ALOX5AP: variants seen among roughly 807,000 people sequenced by gnomAD.
The protein encoded by ALOX5AP is arachidonate 5-lipoxygenase-activating protein.
In ALOX5AP, 9 loss-of-function variants were observed where a neutral mutation model predicts 18.5. The ratio of observed to expected loss-of-function variants is 0.49; its 90% CI spans 0.29 to 0.85. The LOEUF (loss-of-function observed/expected upper bound fraction) is 0.85. Ranked by LOEUF, ALOX5AP falls within the 40% of genes least tolerant of loss-of-function variation. The pLI is 0.08. For synonymous variants in ALOX5AP, 81 were observed against 78.6 expected, an observed-to-expected ratio of 1.03 and a Z score of -0.16; for missense variants, 172 against 202.5, an observed-to-expected ratio of 0.85 and a Z score of 0.91.
chr13:30,724,872 C>T (rs966076508), intron 1 of ALOX5AP, among the ~76,000 whole-genome samples: 1 of 152,190 alleles, frequency 6.6e-6, no homozygotes, highest in Admixed American at 6.5e-5. Context: ...GTAGTACAGG[C>T]GCTTGGCCTG....
upstream of ALOX5AP, among the ~76,000 whole-genome samples, chr13:30,731,774 T>G (rs75962496): frequency 0.01 from 1,530 of 152,318 alleles, 24 homozygotes; most frequent in African/African-American, 0.035. Context: ...AATGTGAGGC[T>G]CTGGGTACAA....
At chr13:30,745,381 C>T (rs1476111268) in intron 2 of ALOX5AP, among the ~76,000 whole-genome samples, 1 of 152,188 alleles carries the variant, frequency 6.6e-6, no homozygotes, top group African/African-American at 2.4e-5. Flanking sequence ...GATTGCCTGG[C>T]CCCTTGCCCT....
At chr13:30,726,055 CTGG>C (rs910169316) in intron 1 of ALOX5AP, among the ~76,000 whole-genome samples, 17 of 152,312 alleles carry the variant, frequency 1.1e-4, no homozygotes, top group African/African-American at 4.1e-4. Flanking sequence ...CACTATCACC[CTGG>C]TGTTCGGGTA....
At chr13:30,761,055 G>A (rs572879729) in intron 4 of ALOX5AP, among the ~76,000 whole-genome samples, 3 of 152,258 alleles carry the variant, frequency 2.0e-5, no homozygotes, top group African/African-American at 7.2e-5. Context: ...GGTCAGGTTC[G>A]GTATCTGCCC....
intron 4 of ALOX5AP, among the ~76,000 whole-genome samples, chr13:30,760,552 G>C (rs1391007428): frequency 6.6e-6 from 1 of 152,228 alleles, no homozygotes; most frequent in Non-Finnish European, 1.5e-5. Flanking sequence ...GGGCACAGCT[G>C]TTTCAAAACT....
intron 1 of ALOX5AP, among the ~76,000 whole-genome samples, chr13:30,715,231 C>T (rs150809176): frequency 7.2e-5 from 11 of 152,324 alleles, no homozygotes; most frequent in African/African-American, 2.2e-4. Context: ...TTCACTTCCT[C>T]TGTAAAAAGG....
intron 1 of ALOX5AP, among the ~76,000 whole-genome samples, chr13:30,737,190 T>C (rs1951728517): frequency 6.6e-6 from 1 of 152,188 alleles, no homozygotes; most frequent in Non-Finnish European, 1.5e-5. Context: ...GCCTGTGCAG[T>C]TGGGGCTGAA....
intron 1 of ALOX5AP, among the ~76,000 whole-genome samples, chr13:30,715,400 C>A (rs1307844391): frequency 1.3e-5 from 2 of 152,202 alleles, no homozygotes; most frequent in African/African-American, 4.8e-5. Flanking sequence ...TATAGTTCTG[C>A]CACATTGCAG....
intron 1 of ALOX5AP, among the ~76,000 whole-genome samples, chr13:30,735,957 G>A (rs564153541): frequency 6.6e-6 from 1 of 152,314 alleles, no homozygotes; most frequent in South Asian, 2.1e-4. Context: ...TCACCGAAGT[G>A]TCTATGATCA....
At chr13:30,763,877 T>G in intron 4 of ALOX5AP, 67 bp from the exon 5 acceptor site, 3 of 1,474,368 alleles carry the variant, frequency 2.0e-6, no homozygotes, top group Non-Finnish European at 2.8e-6. Context: ...AGGGGTAACA[T>G]TTTTGTGTGT....
chr13:30,722,234 A>G (rs1318051998), intron 1 of ALOX5AP, among the ~76,000 whole-genome samples: 3 of 152,186 alleles, frequency 2.0e-5, no homozygotes, highest in African/African-American at 4.8e-5. Flanking sequence ...AGACACTTCA[A>G]AGCTGTCTCA....
chr13:30,714,946 T>C (rs1412697920), intron 1 of ALOX5AP, among the ~76,000 whole-genome samples: 2 of 152,294 alleles, frequency 1.3e-5, no homozygotes, highest in East Asian at 3.9e-4. Flanking sequence ...GTTCTGAGAA[T>C]CTATCCCTTG....
In ALOX5AP at chr13:30,744,108, G is replaced by A. The variant is rs1382563816; in HGVS notation, c.119G>A (p.Arg40Lys). Residue 40 changes from arginine (R) to lysine (K), a missense_variant, in exon 2 of 5, where the codon AGG (arginine) becomes AAG (lysine). Physicochemically the swap from Arg to Lys is conservative, Grantham distance 26. Transcript: ENST00000380490. The part of the protein sequence containing the change: ...VEHESRTQNG[R>K]SFQRTGTLAF... ...CACGAAAGCAGGACCCAGAATGGGA[G>A]GAGCTTCCAGAGGACCGGAACACTT... 4 of 1,614,052 alleles carry A rather than the reference G, an allele frequency of 2.5e-6. No individual in the cohort carries two copies.
At chr13:30,739,881 C>T (rs1426174881) in intron 1 of ALOX5AP, among the ~76,000 whole-genome samples, 4 of 152,158 alleles carry the variant, frequency 2.6e-5, no homozygotes, top group Non-Finnish European at 4.4e-5. Flanking sequence ...ATGCATATTG[C>T]CTCCAATTCA....
chr13:30,714,099 C>T (rs1951530251), intron 1 of ALOX5AP, among the ~76,000 whole-genome samples: 1 of 151,728 alleles, frequency 6.6e-6, no homozygotes, highest in Admixed American at 6.6e-5. Flanking sequence ...AACTCTCTGC[C>T]TTGCATTAAA....
intron 1 of ALOX5AP, among the ~76,000 whole-genome samples, chr13:30,738,145 T>C (rs1457844029): frequency 6.6e-6 from 1 of 152,194 alleles, no homozygotes; most frequent in East Asian, 1.9e-4. Context: ...GAGGTACAGT[T>C]CCACATGCGC....
rs182037422 is a variant in ALOX5AP, at chr13:30,714,768, C to T, written c.116+927C>T. Among the ~76,000 whole-genome samples the T allele has an allele frequency of 3.3e-5, 5 of 152,316 alleles. No homozygotes were observed. The East Asian group carries it at 9.7e-4, about 29-fold the overall frequency. On this transcript the variant is annotated intron_variant, in intron 1 of 5. Transcript: ENST00000617770. ...AGGCTACCAGTCTCTCCTAAGCTTACGCCGTCACACCCTGGGCACTTGTTG... is the reference window on the plus strand; with the variant it reads ...AGGCTACCAGTCTCTCCTAAGCTTATGCCGTCACACCCTGGGCACTTGTTG...
At chr13:30,737,112 C>A (rs566278090) in intron 1 of ALOX5AP, among the ~76,000 whole-genome samples, 1 of 152,360 alleles carries the variant, frequency 6.6e-6, no homozygotes, top group African/African-American at 2.4e-5. Flanking sequence ...CCCCTCTGGC[C>A]TCTCCCCTGA....
chr13:30,752,046 C>T lies in ALOX5AP; in HGVS notation c.171-6C>T, dbSNP rs758448218. 6.2e-7 allele frequency: 1 copy of T among 1,613,908 alleles called. No individual in the cohort carries two copies. Among genetic ancestry groups the T allele is most frequent in the African/African-American group, 1.3e-5 (1 of 75,022 alleles). On this transcript the variant is annotated splice_region_variant and splice_polypyrimidine_tract_variant and intron_variant, in intron 2 of 4. Coordinates refer to ENST00000380490, the MANE Select transcript of ALOX5AP (RefSeq NM_001629.4). ...TTGTTTTTCTCCTTGTTTGTTTATT[C>T]TGCAGCCAGAACTGTGTAGATGCGT...
Sources: gnomAD v4.1 joint callset for allele counts (sites outside exome capture counted in the v4.1 genomes callset) on GRCh38, gnomAD v4.1.1 for gene constraint, MANE v1.5 for transcripts, NCBI Gene and HGNC (gene_info 2026-07-23, HGNC 2026-07-21) for gene names.